ACOX1: variants seen among roughly 807,000 people sequenced by gnomAD.
ACOX1 encodes peroxisomal acyl-coenzyme A oxidase 1.
A neutral mutation model predicts 75.5 loss-of-function variants in ACOX1; 41 were observed. The observed-to-expected ratio is 0.54, with a 90% CI of 0.42 to 0.70. ACOX1 has a LOEUF of 0.70. Ranked by LOEUF, ACOX1 falls within the 30% of genes least tolerant of loss-of-function variation. The pLI, the probability that ACOX1 is intolerant of heterozygous loss-of-function variation, is 0.00. For synonymous variants in ACOX1, 303 were observed against 298.8 expected (o/e 1.01, Z -0.15); for missense variants, 630 against 837.5 (o/e 0.75, Z 3.06).
intron 12 of ACOX1, among the ~76,000 whole-genome samples, chr17:75,948,737 A>C (rs958901140): frequency 1.3e-5 from 2 of 151,986 alleles, no homozygotes; most frequent in Non-Finnish European, 2.9e-5. Context: ...TATTTTTAGT[A>C]GAGATGGGGT....
chr17:75,949,331 G>A lies in ACOX1; in HGVS notation c.1614C>T (p.Leu538=), dbSNP rs1459401284. ...GAATTTTGAGGAGTTTTTCTGAAAA[G>A]AGCTTAACTACCACATAGTGGCAAT... The part of the protein sequence containing the change: ...EAHCHYVVVK[L]FSEKLLKIQD... Residue 538 remains leucine, a synonymous_variant, in exon 12 of 14, where the codon CTC becomes CTT. Transcript: ENST00000293217. 4 of 1,614,062 alleles carry A rather than the reference G, an allele frequency of 2.5e-6. No homozygotes were observed. The Admixed American group carries it at 6.7e-5, about 27-fold the overall frequency.
intron 4 of ACOX1, among the ~76,000 whole-genome samples, chr17:75,956,604 C>G (rs1440822071): frequency 6.6e-6 from 1 of 150,814 alleles, no homozygotes; most frequent in Non-Finnish European, 1.5e-5. Flanking sequence ...AGGAGAATCG[C>G]TTGAACCCAG....
At chr17:75,976,202 A>T (rs1172005586) in intron 2 of ACOX1, among the ~76,000 whole-genome samples, 1 of 152,232 alleles carries the variant, frequency 6.6e-6, no homozygotes, top group Non-Finnish European at 1.5e-5. Context: ...AGTGTGTCAA[A>T]GGGTGTGTTA....
intron 2 of ACOX1, among the ~76,000 whole-genome samples, chr17:75,964,497 TGAAG>T (rs1200560768): frequency 6.6e-6 from 1 of 151,976 alleles, no homozygotes; most frequent in Non-Finnish European, 1.5e-5. Flanking sequence ...TACCACAGAG[TGAAG>T]ATGCACGCTA....
In ACOX1 at chr17:75,978,736, G is replaced by C. The variant is rs1178688662; in HGVS notation, c.110-43C>G. 6.2e-7 allele frequency: 1 copy of C among 1,612,422 alleles called. No homozygotes were observed. The highest frequency in any genetic ancestry group is 8.5e-7 in the Non-Finnish European group (1 of 1,179,980). Reference sequence around the variant, plus strand: ...GGCATTAAAAGGCAGACAGACACTCGGGCCTCCGTTCCACCCTCCCTGAAT... The same window carrying C: ...GGCATTAAAAGGCAGACAGACACTCCGGCCTCCGTTCCACCCTCCCTGAAT... On this transcript the variant is annotated intron_variant, in intron 1 of 13. Transcript: ENST00000293217. This position sits in a 1 kb window ranked among gnomAD's most constrained non-coding sequence, Gnocchi z 4.2.
chr17:75,966,741 A>G (rs141663223), intron 2 of ACOX1, among the ~76,000 whole-genome samples: 2,885 of 152,254 alleles, frequency 0.019, 54 homozygotes, highest in East Asian at 0.088. Flanking sequence ...CAGAGGTTGC[A>G]GTGAGCCATG....
chr17:75,958,807 C>CAA (rs60077017), intron 3 of ACOX1, among the ~76,000 whole-genome samples: 1,050 of 86,326 alleles, frequency 0.012, 16 homozygotes, highest in African/African-American at 0.03. Context: ...GACTCCGTCT[C>CAA]AAAAAAAAAA....
At chr17:75,959,333 A>G (rs1457260237) in intron 3 of ACOX1, among the ~76,000 whole-genome samples, 2 of 152,218 alleles carry the variant, frequency 1.3e-5, no homozygotes, top group African/African-American at 4.8e-5. Flanking sequence ...TAAGGACAAA[A>G]TGTTTTCAAA....
rs1207730182 is a variant in ACOX1, at chr17:75,978,702, G to A, written c.110-9C>T. 1.2e-5 allele frequency: 20 copies of A among 1,613,440 alleles called. No homozygotes were observed. Among genetic ancestry groups the A allele is most frequent in the Non-Finnish European group, 1.4e-5 (16 of 1,180,040 alleles). ...GTTCAGGATCATGTTCTCTGAAAGG[G>A]GGTTAAAGGGCATTAAAAGGCAGAC... On this transcript the variant is annotated splice_polypyrimidine_tract_variant and intron_variant, in intron 1 of 13. Coordinates refer to ENST00000293217, the MANE Select transcript of ACOX1 (RefSeq NM_004035.7). This position sits in a 1 kb window ranked among gnomAD's most constrained non-coding sequence, Gnocchi z 4.2.
chr17:75,977,409 T>C (rs2066062221), intron 2 of ACOX1, among the ~76,000 whole-genome samples: 1 of 151,604 alleles, frequency 6.6e-6, no homozygotes, highest in African/African-American at 2.4e-5. Context: ...CTACTAAAAA[T>C]ACAAAAATTA....
intron 2 of ACOX1, among the ~76,000 whole-genome samples, chr17:75,963,567 C>T (rs971953528): frequency 4.6e-5 from 7 of 151,740 alleles, no homozygotes; most frequent in South Asian, 2.1e-4. Flanking sequence ...GGTGTGGCAG[C>T]GCCAGCCTCT....
chr17:75,949,414 A>G, intron 11 of ACOX1, 54 bp from the exon 12 acceptor site: 3 of 1,612,602 alleles, frequency 1.9e-6, no homozygotes, highest in Non-Finnish European at 2.5e-6. Context: ...AAGATTCAAT[A>G]TACAGTGACT....
intron 6 of ACOX1, among the ~76,000 whole-genome samples, chr17:75,955,160 C>T (rs544215546): frequency 1.3e-5 from 2 of 150,058 alleles, no homozygotes; most frequent in South Asian, 2.1e-4. Context: ...TGAGCCACTG[C>T]GCCCAGCCTC....
rs546246810 is a variant in ACOX1 at position 75,963,714 on chromosome 17, T to G, written c.270-3339A>C. On this transcript the variant is annotated intron_variant, in intron 2 of 13. Coordinates refer to ENST00000293217, the MANE Select transcript of ACOX1 (RefSeq NM_004035.7). Reference sequence around the variant, plus strand: ...TCTATCTAAAAAAAAAAAAAGACTGTGACTGTAATGAAGATGCTAAAAAGA... The same window carrying G: ...TCTATCTAAAAAAAAAAAAAGACTGGGACTGTAATGAAGATGCTAAAAAGA... Among the ~76,000 whole-genome samples, 4 of 148,814 alleles carry G rather than the reference T, an allele frequency of 2.7e-5. No individual in the cohort carries two copies. The East Asian group carries it at 7.9e-4, about 29-fold the overall frequency.
At position 75,955,868 on chromosome 17, in the gene ACOX1, G is replaced by A. The variant is rs776632624; in HGVS notation, c.618C>T (p.Ile206=). 3.2e-5 allele frequency: 51 copies of A among 1,613,328 alleles called. No individual in the cohort carries two copies. The highest frequency in any genetic ancestry group is 2.5e-4 in the African/African-American group (19 of 74,878). ...GGGTCCCGATTTCACGAATAGGTACGATAAAGGCATGTAATCCATAGCATT... is the reference window on the plus strand; with the variant it reads ...GGGTCCCGATTTCACGAATAGGTACAATAAAGGCATGTAATCCATAGCATT... The part of the protein sequence containing the change: ...KGKCYGLHAF[I]VPIREIGTHK... The change falls in exon 5 of 14, where the codon ATC becomes ATT. Residue 206 remains isoleucine, a synonymous_variant. Coordinates refer to ENST00000293217, the MANE Select transcript of ACOX1 (RefSeq NM_004035.7).
chr17:75,952,222 G>T lies in ACOX1; in HGVS notation c.945-645C>A, dbSNP rs185622831. On this transcript the variant is annotated intron_variant, in intron 7 of 13. Transcript: ENST00000293217. ...AATCTTGGAGAAGACCCAATGGATG[G>T]TGTTAAATATTTTGAAGTGTAAGAA... Among the ~76,000 whole-genome samples, 6 of 152,280 alleles carry T rather than the reference G, an allele frequency of 3.9e-5. No homozygotes were observed. The East Asian group carries it at 1.2e-3, about 29-fold the overall frequency.
At chr17:75,952,914 ATCT>A (rs2065788022) in intron 7 of ACOX1, among the ~76,000 whole-genome samples, 1 of 151,994 alleles carries the variant, frequency 6.6e-6, no homozygotes, top group South Asian at 2.1e-4. Context: ...GGCTCAAGTA[ATCT>A]TCTTGCCTTA....
intron 2 of ACOX1, among the ~76,000 whole-genome samples, chr17:75,968,046 C>T (rs2065955458): frequency 6.6e-6 from 1 of 151,372 alleles, no homozygotes; most frequent in South Asian, 2.1e-4. Context: ...GCCAAAAAAC[C>T]GTATTTTATA....
chr17:75,955,310 G>A (rs1377500753), intron 6 of ACOX1, among the ~76,000 whole-genome samples: 4 of 152,024 alleles, frequency 2.6e-5, no homozygotes, highest in African/African-American at 9.7e-5. Flanking sequence ...CTACACACGT[G>A]TGCCACCATA....
Sources: gnomAD v4.1 joint callset for allele counts (sites outside exome capture counted in the v4.1 genomes callset) on GRCh38, gnomAD v4.1.1 for gene constraint, Gnocchi (gnomAD v3.1) non-coding constraint, MANE v1.5 for transcripts, NCBI Gene and HGNC (gene_info 2026-07-23, HGNC 2026-07-21) for gene names.